The following TMC8 variants were observed in gnomAD, a reference collection of about 807,000 sequenced individuals.
TMC8 encodes transmembrane channel-like protein 8.
A neutral mutation model predicts 76.0 loss-of-function variants in TMC8; 71 were observed. The ratio of observed to expected loss-of-function variants is 0.93; its 90% confidence interval spans 0.77 to 1.14. The LOEUF is 1.14. Ranked by LOEUF, TMC8 falls within the 50% of genes most tolerant of loss-of-function variation. TMC8 has a pLI of 0.00. For synonymous variants in TMC8, 433 were observed against 433.8 expected, an observed-to-expected ratio of 1.00 and a Z score of 0.02; for missense variants, 924 against 947.9, an observed-to-expected ratio of 0.97 and a Z score of 0.33.
chr17:78,134,129 GGGAGCC>G, intron 7 of TMC8, 129 bp downstream of exon 7: 1 of 1,355,820 alleles, frequency 7.4e-7, no homozygotes, highest in Non-Finnish European at 1.0e-6. Context: ...GTGTGTGGGA[GGGAGCC>G]TGTGGGAGCG....
chr17:78,133,576 C>CA (rs764923098), intron 6 of TMC8, 34 bp downstream of exon 6: 65 of 1,605,952 alleles, frequency 4.0e-5, no homozygotes, highest in Non-Finnish European at 5.0e-5. Context: ...ACCCCTTCCC[C>CA]AGGGAATCTT....
At position 78,131,454 on chromosome 17, in the gene TMC8, G is replaced by A. The variant is rs557700832; in HGVS notation, c.-135G>A. 7.0e-6 allele frequency: 9 copies of A among 1,289,716 alleles called. No individual in the cohort carries two copies. The African/African-American group carries it at 7.3e-5, about 11-fold the overall frequency. The allele number at this position is 1,289,716 out of a possible 1,614,324, so 79.9% of individuals were successfully genotyped here. On this transcript the variant is annotated 5_prime_UTR_variant, in exon 2 of 16. Transcript: ENST00000318430. ...GAGCCCAGGCCCCGACGCCGGCGCA[G>A]AGGGGACGGAAGGGCCCGCCCCCAG... is the stretch of plus-strand genomic sequence containing the variant.
At chr17:78,137,490 G>C (rs143371947) in intron 10 of TMC8, 132 bp downstream of exon 10, 10 of 1,493,642 alleles carry the variant, frequency 6.7e-6, no homozygotes, top group Non-Finnish European at 8.3e-6. Flanking sequence ...TGCCTGCACC[G>C]CCGCACACCT....
intron 8 of TMC8, 136 bp downstream of exon 8, chr17:78,134,700 C>T (rs948129839): frequency 4.0e-6 from 6 of 1,499,758 alleles, no homozygotes; most frequent in Admixed American, 3.7e-5. Context: ...CCAAGGCAGG[C>T]GGGCTCCCAC....
Position 78,138,678 on chromosome 17 carries a change from C to A in TMC8, c.1769C>A (p.Ala590Asp). Residue 590 changes from alanine (A) to aspartate (D), a missense_variant, in exon 14 of 16, where the codon GCC becomes GAC. Coordinates refer to ENST00000318430, the MANE Select transcript of TMC8 (RefSeq NM_152468.5). ...ALGLPPIGQRALHYLGSHAFS... is the reference protein window; with the variant it reads ...ALGLPPIGQRDLHYLGSHAFS... ...GGGCTCCCGCCCATTGGCCAGCGTG[C>A]CCTCCACTACCTGGGCTCCCACGCC... 1 of 1,613,378 alleles carries A rather than the reference C, an allele frequency of 6.2e-7. No individual in the cohort carries two copies. The highest frequency in any genetic ancestry group is 8.5e-7 in the Non-Finnish European group (1 of 1,180,028).
chr17:78,134,487 G>T lies in TMC8; in HGVS notation c.910G>T (p.Val304Leu). 6.2e-7 allele frequency: 1 copy of T among 1,614,032 alleles called. No homozygotes were observed. Among genetic ancestry groups the T allele is most frequent in the South Asian group, 1.1e-5 (1 of 91,086 alleles). The change falls in exon 8 of 16, where the codon GTA becomes TTA. Residue 304 changes from valine to leucine, a missense_variant. By Grantham distance (32) the Val-to-Leu change is conservative. Coordinates refer to ENST00000318430, the MANE Select transcript of TMC8 (RefSeq NM_152468.5). ...CCTGCTCTCCTACCTGCGGGTCAAC[G>T]TACTCAACGGGCTCCTGGTGGTTGG... Reference protein sequence around the residue: ...CRLLSYLRVNVLNGLLVVGAI... With the variant: ...CRLLSYLRVNLLNGLLVVGAI...
Position 78,138,022 on chromosome 17 carries a change from T to C in TMC8, c.1367T>C (p.Phe456Ser), listed in dbSNP as rs1212224783. 6.2e-7 allele frequency: 1 copy of C among 1,613,970 alleles called. No homozygotes were observed. The highest frequency in any genetic ancestry group is 8.5e-7 in the Non-Finnish European group (1 of 1,180,006). The change falls in exon 12 of 16, where the codon TTC becomes TCC. Residue 456 changes from phenylalanine to serine, a missense_variant. Phe to Ser is a radical substitution (Grantham distance 155). Coordinates refer to ENST00000318430, the MANE Select transcript of TMC8 (RefSeq NM_152468.5). ...TLPRRLLVDRFSGRFWAWLER... is the reference protein window; with the variant it reads ...TLPRRLLVDRSSGRFWAWLER... Reference sequence around the variant, plus strand: ...CCCTGCAGGCTGCTGGTGGACCGGTTCTCAGGCCGGTTCTGGGCCTGGCTG... The same window carrying C: ...CCCTGCAGGCTGCTGGTGGACCGGTCCTCAGGCCGGTTCTGGGCCTGGCTG...
At chr17:78,137,121 C>A in intron 9 of TMC8, 114 bp from the exon 10 acceptor site, 6 of 1,514,010 alleles carry the variant, frequency 4.0e-6, no homozygotes, top group Non-Finnish European at 4.5e-6. Context: ...TGGAAGGAGG[C>A]TGGGCCCAGG....
At chr17:78,134,157 G>A (rs753185648) in intron 7 of TMC8, among the ~76,000 whole-genome samples, 157 bp downstream of exon 7, 10 of 152,198 alleles carry the variant, frequency 6.6e-5, no homozygotes, top group African/African-American at 1.9e-4. Flanking sequence ...GATGGAGAGC[G>A]TGTGAATGTG....
chr17:78,133,621 C>A, intron 6 of TMC8, 79 bp downstream of exon 6: 1 of 1,596,604 alleles, frequency 6.3e-7, no homozygotes, highest in South Asian at 1.1e-5. Flanking sequence ...GGTACCCTCC[C>A]ATTGGCAGGA....
chr17:78,132,956 T>C (rs1310207758), intron 5 of TMC8, 86 bp downstream of exon 5: 30 of 1,449,898 alleles, frequency 2.1e-5, no homozygotes, highest in Non-Finnish European at 2.9e-5. Context: ...AGAGGACCTC[T>C]GCTCCTCCAG....
At position 78,131,490 on chromosome 17, in the gene TMC8, A is replaced by C; in HGVS notation, c.-99A>C. On this transcript the variant is annotated 5_prime_UTR_variant, in exon 2 of 16. Coordinates refer to ENST00000318430, the MANE Select transcript of TMC8 (RefSeq NM_152468.5). ...AGGGCCCGCCCCCAGCCCAGCGTGCACAGAGGCCATAGCCAAGGCCTTAAG... is the reference window on the plus strand; with the variant it reads ...AGGGCCCGCCCCCAGCCCAGCGTGCCCAGAGGCCATAGCCAAGGCCTTAAG... The C allele has an allele frequency of 1.3e-6, 2 of 1,486,754 alleles. No individual in the cohort carries two copies. Among genetic ancestry groups the C allele is most frequent in the East Asian group, 4.9e-5 (2 of 40,614 alleles). 92.1% of individuals were successfully genotyped at this position (1,486,754 alleles called of 1,614,324 possible). A position where few individuals can be genotyped will look rare whatever the true frequency, so the allele number is the denominator to read the frequency against.
chr17:78,134,878 G>GT lies in TMC8; in HGVS notation c.999dup (p.Leu334SerfsTer74). On this transcript the variant is annotated frameshift_variant, in exon 9 of 16. Transcript: ENST00000318430. LOFTEE classifies it high-confidence loss of function. ...CCTGCCTTTTCCCGCAGGAGTCCCT[G>GT]TTTCTGCTGCTCCAGTACCTGCCCC... 1 of 1,614,026 alleles carries GT rather than the reference G, an allele frequency of 6.2e-7. No individual in the cohort carries two copies. Among genetic ancestry groups the GT allele is most frequent in the South Asian group, 1.1e-5 (1 of 91,092 alleles).
At position 78,133,411 on chromosome 17, in the gene TMC8, C is replaced by G. The variant is rs748873052; in HGVS notation, c.537C>G (p.Phe179Leu). ...ATCTTCGTCGCTGTCCCCAGGCCTT[C>G]ACCAACACCTATCTCTTCTACGGTG... is the stretch of plus-strand genomic sequence containing the variant. The part of the protein sequence containing the change: ...QLWHVLTGRA[F>L]TNTYLFYGAY... The change falls in exon 6 of 16, where the codon TTC becomes TTG. Residue 179 changes from phenylalanine to leucine, a missense_variant. Transcript: ENST00000318430. 2 of 1,613,840 alleles carry G rather than the reference C, an allele frequency of 1.2e-6. No homozygotes were observed. The highest frequency in any genetic ancestry group is 1.7e-6 in the Non-Finnish European group (2 of 1,180,034).
At chr17:78,139,323 C>T in intron 15 of TMC8, 83 bp downstream of exon 15, 2 of 1,506,580 alleles carry the variant, frequency 1.3e-6, no homozygotes, top group Non-Finnish European at 1.8e-6. Flanking sequence ...TAGAACACGT[C>T]TGAGCGGGTC....
chr17:78,131,141 A>C, intron 1 of TMC8, 140 bp from the exon 2 acceptor site: 1 of 246,626 alleles, frequency 4.1e-6, no homozygotes. Context: ...TGCCACGTGG[A>C]GAAGAGAGGG....
Position 78,131,571 on chromosome 17 carries a change from C to T in TMC8, c.-18C>T, listed in dbSNP as rs1568011189. 6.5e-7 allele frequency: 1 copy of T among 1,541,878 alleles called. No individual in the cohort carries two copies. The highest frequency in any genetic ancestry group is 8.7e-7 in the Non-Finnish European group (1 of 1,146,540). On this transcript the variant is annotated 5_prime_UTR_variant, in exon 2 of 16. Coordinates refer to ENST00000318430, the MANE Select transcript of TMC8 (RefSeq NM_152468.5). ...CACCGGCAGCCCGGCGCCCCAGCCT[C>T]TACCCGTGCCCGCCGAGATGCTGCT...
At chr17:78,139,348 C>T (rs370051184) in intron 15 of TMC8, 108 bp downstream of exon 15, 22 of 1,246,328 alleles carry the variant, frequency 1.8e-5, no homozygotes, top group East Asian at 7.3e-5. Context: ...GGGTTCTTCC[C>T]ACTGGAGGGC....
chr17:78,136,851 CA>C, intron 9 of TMC8: 2 of 342,142 alleles, frequency 5.8e-6, no homozygotes, highest in South Asian at 4.5e-5. Flanking sequence ...CACCTGAGGT[CA>C]GGAGTTCGAG....
Sources: allele counts gnomAD v4.1 joint callset (sites outside exome capture counted in the v4.1 genomes callset), GRCh38; gene constraint gnomAD v4.1.1; transcripts MANE v1.5; gene names NCBI Gene and HGNC (gene_info 2026-07-23, HGNC 2026-07-21).